Variants in WWOX observed in about 807,000 individuals in gnomAD.
WWOX encodes WW domain-containing oxidoreductase.
WWOX carries 69 observed loss-of-function variants against 46.2 expected under a neutral mutation model. The ratio of observed to expected loss-of-function variants is 1.49; its 90% confidence interval spans 1.23 to 1.82. The LOEUF (loss-of-function observed/expected upper bound fraction) is 1.82. Among genes scored for constraint, WWOX ranks in the 40% most tolerant of loss-of-function variants. The pLI, the probability that WWOX is intolerant of heterozygous loss-of-function variation, is 0.00. For synonymous variants in WWOX, 359 were observed against 202.6 expected (o/e 1.77, Z -6.56); for missense variants, 919 against 542.6 (o/e 1.69, Z -6.89).
At chr16:79,142,134 T>C (rs565887735) in intron 8 of WWOX, among the ~76,000 whole-genome samples, 14 of 152,310 alleles carry the variant, frequency 9.2e-5, no homozygotes, top group African/African-American at 3.4e-4. Context: ...TTCACAGATA[T>C]TTAGTGAGTC....
intron 5 of WWOX, among the ~76,000 whole-genome samples, chr16:78,171,789 A>C (rs868067459): frequency 6.6e-6 from 1 of 152,204 alleles, no homozygotes; most frequent in African/African-American, 2.4e-5. Context: ...TCTGCAAACC[A>C]GCAAGAACTA....
intron 8 of WWOX, among the ~76,000 whole-genome samples, chr16:78,524,539 G>T (rs1052423292): frequency 6.6e-6 from 1 of 151,800 alleles, no homozygotes; most frequent in Non-Finnish European, 1.5e-5. Context: ...TTCTACCTCA[G>T]CCTCCCGAGT....
chr16:78,190,385 C>G (rs74027917), intron 5 of WWOX, among the ~76,000 whole-genome samples: 1 of 152,136 alleles, frequency 6.6e-6, no homozygotes, highest in Non-Finnish European at 1.5e-5. Context: ...TAAGGTGGAA[C>G]TAATAAATCC....
chr16:78,698,439 A>G (rs1011694556), intron 8 of WWOX, among the ~76,000 whole-genome samples: 2 of 152,238 alleles, frequency 1.3e-5, no homozygotes, highest in African/African-American at 4.8e-5. Context: ...TTTAAATCCT[A>G]GCTCCTTTTT....
At chr16:78,969,490 C>G (rs2055845) in intron 8 of WWOX, among the ~76,000 whole-genome samples, 4,511 of 152,160 alleles carry the variant, frequency 0.03, 227 homozygotes, top group African/African-American at 0.1. Flanking sequence ...AGGCTGGTCT[C>G]AAACTCCTGA....
intron 5 of WWOX, among the ~76,000 whole-genome samples, chr16:78,359,744 G>A (rs1359451851): frequency 1.3e-5 from 2 of 152,010 alleles, no homozygotes; most frequent in African/African-American, 4.8e-5. Flanking sequence ...TGCATGAGAA[G>A]CCCTGATGTT....
intron 8 of WWOX, among the ~76,000 whole-genome samples, chr16:79,159,208 C>G (rs1034230437): frequency 2.6e-5 from 4 of 152,224 alleles, no homozygotes; most frequent in Non-Finnish European, 5.9e-5. Context: ...TAGTAATAGA[C>G]TAATCTCAAT....
chr16:78,634,038 G>A (rs555715880), intron 8 of WWOX, among the ~76,000 whole-genome samples: 4 of 152,260 alleles, frequency 2.6e-5, no homozygotes, highest in African/African-American at 7.2e-5. Flanking sequence ...CAGCTGTGGG[G>A]TTGGACCCTG....
At chr16:78,919,934 A>G (rs1438798336) in intron 8 of WWOX, among the ~76,000 whole-genome samples, 1 of 152,206 alleles carries the variant, frequency 6.6e-6, no homozygotes, top group Non-Finnish European at 1.5e-5. Flanking sequence ...CTAAAAAATG[A>G]TCTAGAATAA....
chr16:78,990,658 GA>G (rs751035736), intron 8 of WWOX, among the ~76,000 whole-genome samples: 2 of 152,142 alleles, frequency 1.3e-5, no homozygotes, highest in Non-Finnish European at 2.9e-5. Context: ...GAAGAAAAAG[GA>G]GGAAGGAAAA....
intron 8 of WWOX, among the ~76,000 whole-genome samples, chr16:78,529,565 C>A (rs984987099): frequency 6.6e-6 from 1 of 152,104 alleles, no homozygotes; most frequent in African/African-American, 2.4e-5. Context: ...CTCTCGAGTT[C>A]AAGCGATTCT....
chr16:79,025,236 G>C (rs893387501), intron 8 of WWOX, among the ~76,000 whole-genome samples: 6 of 152,172 alleles, frequency 3.9e-5, no homozygotes, highest in Admixed American at 2.6e-4. Context: ...TAGCTGAGAG[G>C]CTCTTGCAGT....
intron 8 of WWOX, among the ~76,000 whole-genome samples, chr16:78,776,737 GGAAA>G (rs769222862): frequency 1.3e-5 from 2 of 152,156 alleles, no homozygotes; most frequent in East Asian, 3.9e-4. Flanking sequence ...CGATCATGGT[GGAAA>G]GGAAGCTAGT....
chr16:78,652,403 C>T (rs549468840), intron 8 of WWOX, among the ~76,000 whole-genome samples: 73 of 127,868 alleles, frequency 5.7e-4, no homozygotes, highest in East Asian at 2.4e-3. Flanking sequence ...AGCGAGACTC[C>T]GTCTCAAAAA....
At chr16:78,148,961 C>G (rs182486602) in intron 4 of WWOX, among the ~76,000 whole-genome samples, 3 of 141,362 alleles carry the variant, frequency 2.1e-5, no homozygotes, top group African/African-American at 7.8e-5. Context: ...AAATTTCATG[C>G]GGTGTTACTT....
At chr16:79,037,741 C>T (rs1002987570) in intron 8 of WWOX, among the ~76,000 whole-genome samples, 3 of 152,132 alleles carry the variant, frequency 2.0e-5, no homozygotes, top group Non-Finnish European at 2.9e-5. Flanking sequence ...GTTTTGTTTG[C>T]ATTTCTGGTG....
chr16:79,207,287 C>T (rs1330644511), intron 8 of WWOX, among the ~76,000 whole-genome samples: 3 of 152,226 alleles, frequency 2.0e-5, no homozygotes, highest in Non-Finnish European at 2.9e-5. Context: ...CCAACAGACA[C>T]CAGATGAGTA....
At position 78,533,764 on chromosome 16, in the gene WWOX, G is replaced by C. The variant is rs57469159; in HGVS notation, c.1056+101012G>C. On this transcript the variant is annotated intron_variant, in intron 8 of 8. Transcript: ENST00000566780. ...CCAGAAAGCCTTCCCTGGATGTTGAGGGATGAAGTTGTAGGCCCCTCCCGA... is the reference window on the plus strand; with the variant it reads ...CCAGAAAGCCTTCCCTGGATGTTGACGGATGAAGTTGTAGGCCCCTCCCGA... Among the ~76,000 whole-genome samples, 1,343 of 152,258 alleles carry C rather than the reference G, an allele frequency of 8.8e-3. 24 individuals are homozygous for C. Among genetic ancestry groups the C allele is most frequent in the African/African-American group, 0.031 (1,278 of 41,536 alleles).
intron 8 of WWOX, among the ~76,000 whole-genome samples, chr16:78,759,946 T>C (rs1481542598): frequency 6.6e-6 from 1 of 152,208 alleles, no homozygotes; most frequent in Non-Finnish European, 1.5e-5. Flanking sequence ...CCCTTCTTTT[T>C]TCTGTGACTC....
Sources: allele counts gnomAD v4.1 joint callset (sites outside exome capture counted in the v4.1 genomes callset), GRCh38; gene constraint gnomAD v4.1.1; transcripts MANE v1.5; gene names NCBI Gene and HGNC (gene_info 2026-07-23, HGNC 2026-07-21).